Variants in NCOR1 observed in about 807,000 individuals in gnomAD.
NCOR1 encodes nuclear receptor corepressor 1, also known as protein phosphatase 1, regulatory subunit 109.
Under a neutral mutation model 288.1 loss-of-function variants are expected in NCOR1, and 63 were observed. The ratio of observed to expected loss-of-function variants is 0.22; its 90% confidence interval spans 0.18 to 0.27. NCOR1 has a LOEUF of 0.27. Ranked by LOEUF, NCOR1 falls within the 10% of genes least tolerant of loss-of-function variation. NCOR1 has a pLI of 1.00. For missense variants in NCOR1, 2,397 were observed against 3,019.2 expected (o/e 0.79, Z 4.83); for synonymous variants, 1,007 against 1,065.9 (o/e 0.94, Z 1.08).
rs375029126 is a variant in NCOR1 at position 16,059,898 on chromosome 17, C to T, written c.5882-1299G>A. On this transcript the variant is annotated intron_variant, in intron 37 of 45. Transcript: ENST00000268712. The stretch of plus-strand genomic sequence containing the variant: ...GAGATTGGAAACTTGATAAATGGAA[C>T]AGAAATGATCATTGAGAAACTAAAA... Among the ~76,000 whole-genome samples, 5 of 152,286 alleles carry T rather than the reference C, an allele frequency of 3.3e-5. No individual in the cohort carries two copies. The South Asian group carries it at 1.0e-3, about 32-fold the overall frequency.
At position 16,073,586 on chromosome 17, in the gene NCOR1, C is replaced by T. The variant is rs1395417790; in HGVS notation, c.3671-17G>A. 1 of 1,579,176 alleles carries T rather than the reference C, an allele frequency of 6.3e-7. No homozygotes were observed. Among genetic ancestry groups the T allele is most frequent in the Non-Finnish European group, 8.6e-7 (1 of 1,164,720 alleles). On this transcript the variant is annotated splice_polypyrimidine_tract_variant and intron_variant, in intron 27 of 45. Transcript: ENST00000268712. ...TCTTAATATCTACAGAATACACAAA[C>T]AAGACTTGCTCAGACGGAGCACATG...
intron 18 of NCOR1, among the ~76,000 whole-genome samples, chr17:16,117,514 G>GGA: frequency 9.6e-6 from 1 of 103,760 alleles, no homozygotes; most frequent in South Asian, 3.4e-4. Flanking sequence ...CTGGAGCTCA[G>GGA]AAAAAAAAAA....
chr17:16,106,567 C>T (rs1432050912), intron 19 of NCOR1, among the ~76,000 whole-genome samples: 1 of 152,006 alleles, frequency 6.6e-6, no homozygotes, highest in East Asian at 1.9e-4. Flanking sequence ...TTTAGGAAAA[C>T]AGATAGAGGA....
chr17:16,143,811 G>A (rs2077474859), intron 10 of NCOR1, 115 bp from the exon 11 acceptor site: 2 of 710,922 alleles, frequency 2.8e-6, no homozygotes, highest in Admixed American at 5.7e-5. Context: ...GTTAAGAGAA[G>A]AAACATAAAA....
At chr17:16,212,585 A>ATCT (rs964292126) in intron 1 of NCOR1, among the ~76,000 whole-genome samples, 1 of 152,250 alleles carries the variant, frequency 6.6e-6, no homozygotes, top group African/African-American at 2.4e-5. Flanking sequence ...GGCATCAAGA[A>ATCT]GAATTTGAAA....
At chr17:16,189,130 A>ACAC in intron 2 of NCOR1, among the ~76,000 whole-genome samples, 1 of 150,682 alleles carries the variant, frequency 6.6e-6, no homozygotes, top group East Asian at 1.9e-4. Context: ...ATGGTAGCTC[A>ACAC]CACCTGTAAT....
intron 2 of NCOR1, among the ~76,000 whole-genome samples, chr17:16,190,157 G>C (rs1268642898): frequency 2.6e-5 from 4 of 152,134 alleles, no homozygotes; most frequent in African/African-American, 9.7e-5. Context: ...TTGAGCCCAG[G>C]AGCTCAAGGT....
chr17:16,162,687 T>A (rs1278087460), intron 5 of NCOR1, among the ~76,000 whole-genome samples: 1 of 152,006 alleles, frequency 6.6e-6, no homozygotes, highest in African/African-American at 2.4e-5. Flanking sequence ...ACAGGCCAAA[T>A]ATAAGACAAT....
chr17:16,030,282 T>C lies in NCOR1; in HGVS notation c.*2014A>G. On this transcript the variant is annotated 3_prime_UTR_variant, in exon 46 of 46. Coordinates refer to ENST00000268712, the MANE Select transcript of NCOR1 (RefSeq NM_006311.4). Reference sequence around the variant, plus strand: ...TGAATAGGCTGAGGATGAGAAGGGGTTGGTCTTGCTATCTTGGGTGGCAGA... The same window carrying C: ...TGAATAGGCTGAGGATGAGAAGGGGCTGGTCTTGCTATCTTGGGTGGCAGA... 4.4e-6 allele frequency: 1 copy of C among 225,676 alleles called. No individual in the cohort carries two copies. Among genetic ancestry groups the C allele is most frequent in the Non-Finnish European group, 8.8e-6 (1 of 113,570 alleles). The allele number at this position is 225,676 out of a possible 1,614,324, so 14.0% of individuals were successfully genotyped here. A position where few individuals can be genotyped will look rare whatever the true frequency, so the allele number is the denominator to read the frequency against.
At chr17:16,035,669 G>A (rs1974319919) in intron 44 of NCOR1, among the ~76,000 whole-genome samples, 1 of 151,474 alleles carries the variant, frequency 6.6e-6, no homozygotes, top group Non-Finnish European at 1.5e-5. Context: ...TCAGACCCAA[G>A]TAGCTGGGAC....
chr17:16,127,069 G>T (rs1310093554), intron 14 of NCOR1, among the ~76,000 whole-genome samples: 3 of 151,434 alleles, frequency 2.0e-5, no homozygotes, highest in Non-Finnish European at 4.4e-5. Flanking sequence ...TCCTTACTGT[G>T]CCTAATATAC....
rs1016564297 is a variant in NCOR1, at chr17:16,098,561, A to G, written c.2691-65T>C. On this transcript the variant is annotated intron_variant, in intron 20 of 45. Coordinates refer to ENST00000268712, the MANE Select transcript of NCOR1 (RefSeq NM_006311.4). The stretch of plus-strand genomic sequence containing the variant: ...TTTAAGACTCAAACATATAATCACT[A>G]TAAGTTCTTCTAAGTTAGTATGTAC... The G allele has an allele frequency of 3.0e-5, 44 of 1,444,772 alleles. 1 individual carries two copies. Among genetic ancestry groups the G allele is most frequent in the South Asian group, 5.0e-5 (4 of 80,076 alleles). The allele number at this position is 1,444,772 out of a possible 1,614,324, so 89.5% of individuals were successfully genotyped here.
chr17:16,143,743 A>T lies in NCOR1; in HGVS notation c.1083-47T>A, dbSNP rs1031074025. 9 of 1,328,652 alleles carry T rather than the reference A, an allele frequency of 6.8e-6. No homozygotes were observed. In the East Asian group the frequency reaches 2.3e-4, roughly 33 times the overall value. 82.3% of individuals were successfully genotyped at this position (1,328,652 alleles called of 1,614,324 possible). ...AAAATATATTTAAAGACCTTATATA[A>T]AGACATATCAATTAAATTAACTATA... On this transcript the variant is annotated intron_variant, in intron 10 of 45. Coordinates refer to ENST00000268712, the MANE Select transcript of NCOR1 (RefSeq NM_006311.4).
intron 10 of NCOR1, among the ~76,000 whole-genome samples, chr17:16,145,633 G>A (rs1430772965): frequency 7.2e-5 from 11 of 151,990 alleles, no homozygotes; most frequent in East Asian, 3.9e-4. Context: ...CAGCCGCCCC[G>A]TCTGGGAAGT....
chr17:16,058,451 G>A lies in NCOR1; in HGVS notation c.6010+20C>T, dbSNP rs2060177962. 1.2e-6 allele frequency: 2 copies of A among 1,610,058 alleles called. No homozygotes were observed. The highest frequency in any genetic ancestry group is 1.7e-5 in the Admixed American group (1 of 58,934). On this transcript the variant is annotated intron_variant, in intron 38 of 45. Coordinates refer to ENST00000268712, the MANE Select transcript of NCOR1 (RefSeq NM_006311.4). The stretch of plus-strand genomic sequence containing the variant: ...AATGCAAATATGAAAACATGTAAAT[G>A]GTAGCTTAAGAAGACATACTTTCCG...
intron 33 of NCOR1, 46 bp from the exon 34 acceptor site, chr17:16,065,065 T>C: frequency 6.4e-7 from 1 of 1,550,608 alleles, no homozygotes; most frequent in Non-Finnish European, 8.8e-7. Context: ...ATTCTAAAGG[T>C]ACAGAACCAT....
chr17:16,059,122 A>G (rs1285610311), intron 37 of NCOR1, among the ~76,000 whole-genome samples: 3 of 151,818 alleles, frequency 2.0e-5, no homozygotes, highest in Non-Finnish European at 2.9e-5. Flanking sequence ...GAGGCAGAAC[A>G]GAGAACAGAT....
At chr17:16,088,145 C>T (rs2064548936) in intron 22 of NCOR1, among the ~76,000 whole-genome samples, 2 of 152,100 alleles carry the variant, frequency 1.3e-5, no homozygotes, top group African/African-American at 2.4e-5. Flanking sequence ...ATCCATTTAT[C>T]TTTCCAAGTA....
chr17:16,181,253 G>GTGTGTGTA (rs1491061191), intron 3 of NCOR1, among the ~76,000 whole-genome samples: 1 of 146,640 alleles, frequency 6.8e-6, no homozygotes, highest in Non-Finnish European at 1.5e-5. Flanking sequence ...GTGTGTGTGT[G>GTGTGTGTA]TATAAATATT....
Sources: gnomAD v4.1 joint callset for allele counts (sites outside exome capture counted in the v4.1 genomes callset) on GRCh38, gnomAD v4.1.1 for gene constraint, MANE v1.5 for transcripts, NCBI Gene and HGNC (gene_info 2026-07-23, HGNC 2026-07-21) for gene names.